SORT1: variants seen among roughly 807,000 people sequenced by gnomAD.
SORT1 encodes sortilin.
SORT1 carries 39 observed loss-of-function variants against 101.7 expected under a neutral mutation model. The ratio of observed to expected loss-of-function variants is 0.38; its 90% CI spans 0.30 to 0.50. SORT1 has a LOEUF of 0.50. Ranked by LOEUF, SORT1 falls within the 20% of genes least tolerant of loss-of-function variation. The pLI is 0.90. For synonymous variants in SORT1, 396 were observed against 393.7 expected (o/e 1.01, Z -0.07); for missense variants, 878 against 1,040.4 (o/e 0.84, Z 2.15).
chr1:109,397,681 CG>C lies in SORT1; in HGVS notation c.211del (p.Arg71AlafsTer55). 1 of 1,199,042 alleles carries C rather than the reference CG, an allele frequency of 8.3e-7. No individual in the cohort carries two copies. The highest frequency in any genetic ancestry group is 2.5e-5 in the South Asian group (1 of 40,674). 74.3% of individuals were successfully genotyped at this position (1,199,042 alleles called of 1,614,324 possible). A position where few individuals can be genotyped will look rare whatever the true frequency, so the allele number is the denominator to read the frequency against. On this transcript the variant is annotated frameshift_variant, in exon 1 of 20. Coordinates refer to ENST00000256637, the MANE Select transcript of SORT1 (RefSeq NM_002959.7). LOFTEE classifies it high-confidence loss of function. ...CGCGCTGCGACGCCAACGGCCGCCG[CG>C]GGGAAACGCGCCCCCGGCTGCGGCC... ...RAAAAGGAFPRGGRWRRSAPG... is the reference protein window; with the variant it reads ...RAAAAGGAFPXGGRWRRSAPG...
intron 3 of SORT1, among the ~76,000 whole-genome samples, chr1:109,360,225 AC>A (rs1650629447): frequency 6.6e-6 from 1 of 152,186 alleles, no homozygotes; most frequent in Admixed American, 6.5e-5. Context: ...AGTCCCAGCC[AC>A]TTGGGAGGCT....
chr1:109,337,124 T>A (rs1359163685), intron 10 of SORT1, among the ~76,000 whole-genome samples: 2 of 152,234 alleles, frequency 1.3e-5, no homozygotes, highest in Admixed American at 6.5e-5. Flanking sequence ...CTACTCCATA[T>A]CCTATCTTTC....
In SORT1 at chr1:109,327,025, A is replaced by T; in HGVS notation, c.1610T>A (p.Ile537Asn). ...ILDSGGIIVA[I>N]EHSSRPINVI... Reference sequence around the variant, plus strand: ...ATTGATAGGACGGCTGCTGTGCTCAATGGCCACAATGATGCCTCCAGAATC... The same window carrying T: ...ATTGATAGGACGGCTGCTGTGCTCATTGGCCACAATGATGCCTCCAGAATC... The change falls in exon 13 of 20, where the codon ATT becomes AAT. Residue 537 changes from isoleucine (I) to asparagine (N), a missense_variant. Ile to Asn is a moderately radical substitution (Grantham distance 149). This residue lies in a region of SORT1 where 684 missense variants were observed against 894.5 expected (regional missense o/e 0.76). Transcript: ENST00000256637. 2 of 1,612,448 alleles carry T rather than the reference A, an allele frequency of 1.2e-6. No homozygotes were observed. Among genetic ancestry groups the T allele is most frequent in the Non-Finnish European group, 1.7e-6 (2 of 1,179,932 alleles).
At chr1:109,355,929 G>A (rs1311339260) in intron 3 of SORT1, among the ~76,000 whole-genome samples, 4 of 151,904 alleles carry the variant, frequency 2.6e-5, no homozygotes, top group African/African-American at 7.2e-5. Flanking sequence ...AGGCTGGAGT[G>A]CAGTGATGCA....
intron 10 of SORT1, among the ~76,000 whole-genome samples, chr1:109,337,923 G>C (rs1648943756): frequency 6.6e-6 from 1 of 152,196 alleles, no homozygotes; most frequent in Non-Finnish European, 1.5e-5. Flanking sequence ...ACTACACCCA[G>C]AGTGAAAACT....
intron 1 of SORT1, among the ~76,000 whole-genome samples, chr1:109,375,498 C>A (rs1226153528): frequency 7.3e-6 from 1 of 136,916 alleles, no homozygotes; most frequent in African/African-American, 2.8e-5. Context: ...GAGCCGAGAT[C>A]GCGCCACTGC....
chr1:109,316,194 C>T (rs1647208828), intron 17 of SORT1, among the ~76,000 whole-genome samples: 1 of 152,036 alleles, frequency 6.6e-6, no homozygotes, highest in Admixed American at 6.6e-5. Context: ...CACACATGCA[C>T]AATTCCAGGT....
In SORT1 at chr1:109,310,233, A is replaced by G. The variant is rs1469290296; in HGVS notation, c.*3810T>C. On this transcript the variant is annotated 3_prime_UTR_variant, in exon 20 of 20. Coordinates refer to ENST00000256637, the MANE Select transcript of SORT1 (RefSeq NM_002959.7). ...TTATTCCTTATAAACAAGTACACTT[A>G]AGAATGTACTGGTGTGAAGAAATGC... 1 of 152,744 alleles carries G rather than the reference A, an allele frequency of 6.5e-6. No homozygotes were observed. Among genetic ancestry groups the G allele is most frequent in the Non-Finnish European group, 1.5e-5 (1 of 68,044 alleles). The allele number at this position is 152,744 out of a possible 1,614,324, so 9.5% of individuals were successfully genotyped here.
At position 109,397,646 on chromosome 1, in the gene SORT1, C is replaced by A; in HGVS notation, c.247G>T (p.Asp83Tyr). The change falls in exon 1 of 20, where the codon GAC (aspartate) becomes TAC (tyrosine). Residue 83 changes from aspartate (D) to tyrosine (Y), a missense_variant. Transcript: ENST00000256637. The stretch of plus-strand genomic sequence containing the variant: ...TCCCGGACCCGGCCGCACTCCTCGT[C>A]CTCGCCCGGCGCGCTGCGACGCCAA... ...GRWRRSAPGE[D>Y]EECGRVRDFV... is the part of the protein sequence containing the mutation. 1 of 1,249,850 alleles carries A rather than the reference C, an allele frequency of 8.0e-7. No individual in the cohort carries two copies. The highest frequency in any genetic ancestry group is 1.0e-6 in the Non-Finnish European group (1 of 987,468). The allele number at this position is 1,249,850 out of a possible 1,614,324, so 77.4% of individuals were successfully genotyped here.
intron 17 of SORT1, among the ~76,000 whole-genome samples, chr1:109,316,447 G>C (rs1180255007): frequency 6.6e-6 from 1 of 152,058 alleles, no homozygotes; most frequent in Non-Finnish European, 1.5e-5. Context: ...TGGACAGCCT[G>C]GTCTTGAACT....
chr1:109,351,809 TAGAGGC>T (rs1649978379), intron 5 of SORT1, among the ~76,000 whole-genome samples: 1 of 152,186 alleles, frequency 6.6e-6, no homozygotes, highest in Non-Finnish European at 1.5e-5. Flanking sequence ...GGGTCCAGAC[TAGAGGC>T]AAGGAAAAGC....
chr1:109,354,554 G>C, intron 4 of SORT1, 23 bp from the exon 5 acceptor site: 1 of 1,594,884 alleles, frequency 6.3e-7, no homozygotes, highest in Non-Finnish European at 8.6e-7. Context: ...GGAAAGATCT[G>C]ATTCAGGGTA....
chr1:109,334,468 T>A (rs1648672755), intron 11 of SORT1, among the ~76,000 whole-genome samples: 1 of 152,122 alleles, frequency 6.6e-6, no homozygotes. Context: ...CATTTATAAG[T>A]GGAATGTAAA....
intron 3 of SORT1, among the ~76,000 whole-genome samples, chr1:109,356,124 G>C (rs1206675551): frequency 6.6e-6 from 1 of 152,040 alleles, no homozygotes. Flanking sequence ...CGCCCGCCTC[G>C]GCCTCCCAAA....
At position 109,326,973 on chromosome 1, in the gene SORT1, G is replaced by A. The variant is rs779864206; in HGVS notation, c.1643+19C>T. 2.8e-5 allele frequency: 45 copies of A among 1,593,600 alleles called. No homozygotes were observed. Among genetic ancestry groups the A allele is most frequent in the East Asian group, 1.4e-4 (6 of 44,392 alleles). ...TGCCCTCTATGCAGACAGTGTGTGTGAGATGAGTTCATGCATACTTAATCA... is the reference window on the plus strand; with the variant it reads ...TGCCCTCTATGCAGACAGTGTGTGTAAGATGAGTTCATGCATACTTAATCA... On this transcript the variant is annotated intron_variant, in intron 13 of 19. Transcript: ENST00000256637.
At chr1:109,326,694 G>A (rs1345682733) in intron 13 of SORT1, 2 of 199,008 alleles carry the variant, frequency 1.0e-5, no homozygotes, top group East Asian at 2.4e-4. Flanking sequence ...GGCCTCAAGC[G>A]ATCCTCCTGC....
intron 1 of SORT1, among the ~76,000 whole-genome samples, chr1:109,392,332 C>T (rs1317907190): frequency 1.3e-5 from 2 of 152,006 alleles, no homozygotes; most frequent in Admixed American, 6.6e-5. Flanking sequence ...TGCCTGTTGA[C>T]GAGAGTTGAC....
intron 1 of SORT1, among the ~76,000 whole-genome samples, chr1:109,381,197 A>G (rs1385620434): frequency 6.6e-6 from 1 of 152,196 alleles, no homozygotes; most frequent in Non-Finnish European, 1.5e-5. Context: ...ACCTTTATAA[A>G]AGATGTCATA....
intron 11 of SORT1, among the ~76,000 whole-genome samples, chr1:109,331,463 C>T (rs749730936): frequency 6.6e-6 from 1 of 151,978 alleles, no homozygotes; most frequent in Non-Finnish European, 1.5e-5. Flanking sequence ...AAGGGATATA[C>T]CTCAACATAA....
Sources: gnomAD v4.1 joint callset for allele counts (sites outside exome capture counted in the v4.1 genomes callset) on GRCh38, gnomAD v4.1.1 for gene constraint, gnomAD v4.1.1 regional missense constraint, MANE v1.5 for transcripts, NCBI Gene and HGNC (gene_info 2026-07-23, HGNC 2026-07-21) for gene names.